The following RASEF variants were observed in gnomAD, a reference collection of about 807,000 sequenced individuals.
RASEF encodes RAS and EF-hand domain containing, also known as ras and EF-hand domain-containing protein.
Under a neutral mutation model 90.1 loss-of-function variants are expected in RASEF, and 68 were observed. That is an observed-to-expected ratio of 0.75 (90% CI 0.62 to 0.92). RASEF has a LOEUF of 0.92. Ranked by LOEUF, RASEF falls within the 40% of genes least tolerant of loss-of-function variation. The pLI, the probability that RASEF is intolerant of heterozygous loss-of-function variation, is 0.00. For synonymous variants in RASEF, 331 were observed against 345.2 expected (o/e 0.96, Z 0.46); for missense variants, 949 against 937.2 (o/e 1.01, Z -0.16).
At chr9:83,125,689 A>C in the RASEF span, among the ~76,000 whole-genome samples, 1 of 152,186 alleles carries the variant, frequency 6.6e-6, no homozygotes, top group African/African-American at 2.4e-5. Flanking sequence ...TTAGCCCCTT[A>C]TAAGAAAGAC....
At chr9:83,138,818 A>G in the RASEF span, among the ~76,000 whole-genome samples, 1 of 152,136 alleles carries the variant, frequency 6.6e-6, no homozygotes, top group South Asian at 2.1e-4. Flanking sequence ...GAAGCTTTAT[A>G]AAAAATAAAA....
At chr9:83,092,449 T>A in the RASEF span, among the ~76,000 whole-genome samples, 1 of 151,504 alleles carries the variant, frequency 6.6e-6, no homozygotes, top group East Asian at 1.9e-4. Context: ...GGCTCAGGAG[T>A]GAAGCTGCAG....
the RASEF span, among the ~76,000 whole-genome samples, chr9:83,082,518 G>A: frequency 1.3e-5 from 2 of 152,134 alleles, no homozygotes; most frequent in Admixed American, 6.5e-5. Flanking sequence ...AGATTTAAAA[G>A]TGAAATTCAA....
At chr9:83,078,856 G>T in the RASEF span, among the ~76,000 whole-genome samples, 1 of 152,132 alleles carries the variant, frequency 6.6e-6, no homozygotes, top group Non-Finnish European at 1.5e-5. Context: ...CTTCTTTTGA[G>T]AAATGTCTGT....
the RASEF span, among the ~76,000 whole-genome samples, chr9:83,132,824 G>C: frequency 6.6e-6 from 1 of 152,080 alleles, no homozygotes; most frequent in Non-Finnish European, 1.5e-5. Context: ...CCAGTGATCT[G>C]AGCTAAAGAT....
chr9:83,038,858 TC>T (rs1235693280), intron 1 of RASEF, among the ~76,000 whole-genome samples: 1 of 152,186 alleles, frequency 6.6e-6, no homozygotes, highest in Non-Finnish European at 1.5e-5. Flanking sequence ...CTATGGCCAC[TC>T]TAGTTTTCTG....
At chr9:83,144,391 G>GAAAGAAAGGAAGGAAAGAAAGAAAGAAA in the RASEF span, among the ~76,000 whole-genome samples, 13 of 33,236 alleles carry the variant, frequency 3.9e-4, no homozygotes, top group East Asian at 9.9e-4. Flanking sequence ...AAGAAAGAAA[G>GAAAGAAAGGAAGGAAAGAAAGAAAGAAA]GAAAGAAAGA....
chr9:82,982,441 A>C lies in RASEF; in HGVS notation c.*236T>G, dbSNP rs1828624061. 2 of 338,624 alleles carry C rather than the reference A, an allele frequency of 5.9e-6. No homozygotes were observed. Among genetic ancestry groups the C allele is most frequent in the Non-Finnish European group, 1.1e-5 (2 of 184,012 alleles). 21.0% of individuals were successfully genotyped at this position (338,624 alleles called of 1,614,324 possible). On this transcript the variant is annotated 3_prime_UTR_variant, in exon 17 of 17. Coordinates refer to ENST00000376447, the MANE Select transcript of RASEF (RefSeq NM_152573.4). ...TAAAAACATTTACATGTTATCTTTT[A>C]AGACCTGTAAGGACATGACTAGTCT...
chr9:82,991,586 T>C (rs1218011946), intron 15 of RASEF, among the ~76,000 whole-genome samples: 1 of 152,140 alleles, frequency 6.6e-6, no homozygotes, highest in Non-Finnish European at 1.5e-5. Flanking sequence ...AATGCCACAA[T>C]GGGACCTTTA....
At chr9:83,011,515 G>A (rs1257451603) in intron 5 of RASEF, among the ~76,000 whole-genome samples, 2 of 118,588 alleles carry the variant, frequency 1.7e-5, no homozygotes, top group African/African-American at 6.7e-5. Context: ...TCGTGCCACT[G>A]TAGTCCAGCC....
At chr9:83,118,990 A>T in the RASEF span, among the ~76,000 whole-genome samples, 7 of 147,196 alleles carry the variant, frequency 4.8e-5, no homozygotes, top group East Asian at 1.2e-3. Context: ...AAGACACTCA[A>T]TTTTTTCTTT....
At chr9:83,094,151 G>GCTTTTTTAATGTAGCTACTAGAAA in the RASEF span, among the ~76,000 whole-genome samples, 2 of 146,240 alleles carry the variant, frequency 1.4e-5, no homozygotes, top group African/African-American at 5.6e-5. Context: ...ACTATCATGA[G>GCTTTTTTAATGTAGCTACTAGAAA]ATGCCATTCC....
the RASEF span, among the ~76,000 whole-genome samples, chr9:83,100,942 G>C: frequency 6.6e-6 from 1 of 152,034 alleles, no homozygotes; most frequent in Non-Finnish European, 1.5e-5. Context: ...TCAGTTGATT[G>C]GTCAACTATT....
the RASEF span, among the ~76,000 whole-genome samples, chr9:83,089,892 T>TGACA: frequency 6.9e-6 from 1 of 144,962 alleles, no homozygotes; most frequent in African/African-American, 2.6e-5. Flanking sequence ...TATAGATAGA[T>TGACA]GATAGATAGA....
chr9:83,214,819 C>G, the RASEF span, among the ~76,000 whole-genome samples: 7 of 152,122 alleles, frequency 4.6e-5, no homozygotes, highest in East Asian at 1.4e-3. Flanking sequence ...CTGATACAGA[C>G]AGTAGACAGG....
chr9:83,038,799 A>C (rs1193243617), intron 1 of RASEF, among the ~76,000 whole-genome samples: 1 of 152,216 alleles, frequency 6.6e-6, no homozygotes, highest in African/African-American at 2.4e-5. Flanking sequence ...AAAGTATATT[A>C]GTTATCCTCA....
the RASEF span, among the ~76,000 whole-genome samples, chr9:83,162,991 A>C: frequency 6.6e-6 from 1 of 152,228 alleles, no homozygotes; most frequent in South Asian, 2.1e-4. Context: ...AACCATTTTG[A>C]AATATGCCAG....
chr9:82,989,693 A>C (rs1828776123), intron 16 of RASEF, among the ~76,000 whole-genome samples: 1 of 152,224 alleles, frequency 6.6e-6, no homozygotes, highest in Admixed American at 6.5e-5. Flanking sequence ...TCTGCAATTA[A>C]AGATGATTGC....
At chr9:83,065,642 T>C (rs1052593251), upstream of RASEF, among the ~76,000 whole-genome samples, 1 of 152,184 alleles carries the variant, frequency 6.6e-6, no homozygotes, top group Non-Finnish European at 1.5e-5. Context: ...ACTGTTACAA[T>C]ATACCATACC....
Sources: allele counts gnomAD v4.1 joint callset (sites outside exome capture counted in the v4.1 genomes callset), GRCh38; gene constraint gnomAD v4.1.1; transcripts MANE v1.5; gene names NCBI Gene and HGNC (gene_info 2026-07-23, HGNC 2026-07-21).